Variants in RARB observed in about 807,000 individuals in gnomAD.
RARB encodes retinoic acid receptor beta.
In RARB, 17 loss-of-function variants were observed where a neutral mutation model predicts 51.9. The observed-to-expected ratio is 0.33, with a 90% CI of 0.22 to 0.49. The LOEUF is 0.49. RARB is among the 20% of genes least tolerant of loss of function. The probability of loss-of-function intolerance (pLI) is 0.99; values close to 1 mark genes in which losing one functional copy is unlikely to be tolerated. For synonymous variants in RARB, 215 were observed against 195.4 expected (o/e 1.10, Z -0.84); for missense variants, 369 against 550.8 (o/e 0.67, Z 3.30).
intron 3 of RARB, among the ~76,000 whole-genome samples, chr3:25,081,606 TATA>T (rs1698999549): frequency 6.4e-4 from 11 of 17,272 alleles, no homozygotes; most frequent in South Asian, 1.6e-3. Flanking sequence ...TATATATATA[TATA>T]TATATATATA....
intron 1 of RARB, among the ~76,000 whole-genome samples, chr3:24,845,718 T>TC (rs1360974554): frequency 6.6e-6 from 1 of 151,818 alleles, no homozygotes; most frequent in Non-Finnish European, 1.5e-5. Flanking sequence ...TGACATTCCC[T>TC]CCCCCACTTG....
intron 3 of RARB, among the ~76,000 whole-genome samples, chr3:25,527,332 G>A (rs1255763678): frequency 6.6e-6 from 1 of 152,244 alleles, no homozygotes; most frequent in Non-Finnish European, 1.5e-5. Context: ...ACCCAGCAGT[G>A]GGCCTTTGTC....
chr3:25,077,471 ATCGC>A (rs1698894171), intron 3 of RARB, among the ~76,000 whole-genome samples: 1 of 152,118 alleles, frequency 6.6e-6, no homozygotes, highest in Admixed American at 6.6e-5. Flanking sequence ...TTTTGTATCT[ATCGC>A]AGTATAATAT....
chr3:25,084,607 G>T (rs1457766368), intron 3 of RARB, among the ~76,000 whole-genome samples: 3 of 152,006 alleles, frequency 2.0e-5, no homozygotes, highest in South Asian at 2.1e-4. Flanking sequence ...TTGGAAGGGG[G>T]TTCTATGAAA....
chr3:25,195,395 G>A (rs1701208371), intron 5 of RARB, among the ~76,000 whole-genome samples: 2 of 151,976 alleles, frequency 1.3e-5, no homozygotes, highest in African/African-American at 4.8e-5. Flanking sequence ...ATTGGATTTG[G>A]TTGGTTAATT....
At position 25,540,465 on chromosome 3, in the gene RARB, G is replaced by A. The variant is rs560416224; in HGVS notation, c.449-29293G>A. 5.9e-5 allele frequency among the ~76,000 whole-genome samples: 9 copies of A among 152,244 alleles called. 1 individual carries two copies. The East Asian group carries it at 7.7e-4, about 13-fold the overall frequency. On this transcript the variant is annotated intron_variant, in intron 3 of 7. Coordinates refer to ENST00000330688, the MANE Select transcript of RARB (RefSeq NM_000965.5). The stretch of plus-strand genomic sequence containing the variant: ...AATCTGGTTTATCAGTGAGCTCCCT[G>A]GATAGACACTTTGTTATTTTTAACT...
chr3:25,218,644 G>A (rs890675147), intron 5 of RARB, among the ~76,000 whole-genome samples: 1 of 152,156 alleles, frequency 6.6e-6, no homozygotes, highest in African/African-American at 2.4e-5. Flanking sequence ...AAGAGAAGCA[G>A]GAAGTCATTT....
intron 2 of RARB, among the ~76,000 whole-genome samples, chr3:25,467,938 A>G (rs888761836): frequency 1.3e-5 from 2 of 152,226 alleles, no homozygotes; most frequent in African/African-American, 4.8e-5. Flanking sequence ...TTGGAAAACA[A>G]TAAACAGAAT....
chr3:25,572,238 T>C (rs571877999), intron 4 of RARB, among the ~76,000 whole-genome samples: 18 of 152,292 alleles, frequency 1.2e-4, no homozygotes, highest in Admixed American at 2.6e-4. Context: ...GAGTGCCACT[T>C]GAGGAGTCTG....
intron 2 of RARB, among the ~76,000 whole-genome samples, chr3:24,872,828 T>A (rs552290188): frequency 4.6e-5 from 7 of 152,186 alleles, no homozygotes; most frequent in African/African-American, 1.4e-4. Context: ...TGTATAGACT[T>A]CTCTACCCTA....
intron 4 of RARB, among the ~76,000 whole-genome samples, chr3:25,138,728 GA>G (rs1271101734): frequency 6.6e-6 from 1 of 151,998 alleles, no homozygotes; most frequent in African/African-American, 2.4e-5. Context: ...GCAAAAGAGT[GA>G]AACTGTTAGT....
intron 5 of RARB, among the ~76,000 whole-genome samples, chr3:25,376,202 A>G (rs767397117): frequency 5.3e-5 from 8 of 152,024 alleles, no homozygotes; most frequent in Non-Finnish European, 1.0e-4. Flanking sequence ...TGCTCACTCT[A>G]CTTTGGATAT....
At chr3:25,038,675 T>C (rs1280099652) in intron 2 of RARB, among the ~76,000 whole-genome samples, 1 of 152,188 alleles carries the variant, frequency 6.6e-6, no homozygotes, top group Non-Finnish European at 1.5e-5. Context: ...AGGGATTTCT[T>C]TCCTTGGTTG....
intron 2 of RARB, among the ~76,000 whole-genome samples, chr3:25,490,895 G>A (rs1274928327): frequency 6.6e-6 from 1 of 152,152 alleles, no homozygotes; most frequent in Admixed American, 6.6e-5. Flanking sequence ...CAGATTTAAA[G>A]AAAGCATGTG....
At chr3:25,106,466 T>G (rs146335834) in intron 3 of RARB, among the ~76,000 whole-genome samples, 22,134 of 123,912 alleles carry the variant, frequency 0.18, 3,221 homozygotes, top group Non-Finnish European at 0.25. Context: ...TTGTTTTTTT[T>G]TGTTTTGTTT....
intron 4 of RARB, among the ~76,000 whole-genome samples, chr3:25,158,758 T>C (rs1700420809): frequency 1.3e-5 from 2 of 152,216 alleles, no homozygotes; most frequent in South Asian, 2.1e-4. Context: ...TTCTCACTAA[T>C]GTCATCATCC....
intron 2 of RARB, among the ~76,000 whole-genome samples, chr3:25,473,033 G>C (rs1361152314): frequency 1.3e-5 from 2 of 152,138 alleles, no homozygotes; most frequent in African/African-American, 4.8e-5. Context: ...TATCAAATAT[G>C]TGTCCTTAAG....
intron 2 of RARB, among the ~76,000 whole-genome samples, chr3:25,042,354 C>A (rs1698130470): frequency 6.6e-6 from 1 of 152,194 alleles, no homozygotes; most frequent in South Asian, 2.1e-4. Flanking sequence ...AGATTAACTT[C>A]TGAAACTGTG....
At chr3:24,851,921 A>C (rs1201418410) in intron 1 of RARB, among the ~76,000 whole-genome samples, 5 of 152,210 alleles carry the variant, frequency 3.3e-5, no homozygotes, top group Non-Finnish European at 5.9e-5. Context: ...CCTCTTTTTA[A>C]TGACATTAGT....
Sources: gnomAD v4.1 joint callset for allele counts (sites outside exome capture counted in the v4.1 genomes callset) on GRCh38, gnomAD v4.1.1 for gene constraint, MANE v1.5 for transcripts, NCBI Gene and HGNC (gene_info 2026-07-23, HGNC 2026-07-21) for gene names.